GMIP: variants seen among roughly 807,000 people sequenced by gnomAD.
The protein encoded by GMIP is GEM-interacting protein.
GMIP carries 54 observed loss-of-function variants against 105.3 expected under a neutral mutation model. That is an observed-to-expected ratio of 0.51 (90% confidence interval 0.41 to 0.64). GMIP has a LOEUF of 0.64. GMIP is among the 30% of genes least tolerant of loss of function. The pLI, the probability that GMIP is intolerant of heterozygous loss-of-function variation, is 0.00. For synonymous variants in GMIP, 541 were observed against 560.8 expected (o/e 0.96, Z 0.50); for missense variants, 1,110 against 1,319.4 (o/e 0.84, Z 2.46).
Position 19,643,380 on chromosome 19 carries a change from G to A in GMIP, c.19+131C>T, listed in dbSNP as rs527399732. ...CGGGCACAGGGCTCCCCACAATGGA[G>A]GATCCCTGGGTCCTTCCCATTCAGG... On this transcript the variant is annotated intron_variant, in intron 1 of 20. Transcript: ENST00000203556. The A allele has an allele frequency of 1.7e-5, 14 of 807,040 alleles. No homozygotes were observed. In the South Asian group the frequency reaches 2.3e-4, roughly 14 times the overall value. The allele number at this position is 807,040 out of a possible 1,614,324, so 50.0% of individuals were successfully genotyped here.
chr19:19,630,215 C>A lies in GMIP; in HGVS notation c.2661G>T (p.Leu887=). The A allele has an allele frequency of 6.3e-7, 1 of 1,596,370 alleles. No homozygotes were observed. The highest frequency in any genetic ancestry group is 8.6e-7 in the Non-Finnish European group (1 of 1,167,770). ...VRPVTHQLSS[L]ALVASKLCEE... ...CGCACAGCTTGGAAGCCACCAGGGC[C>A]AGACTGGACAGCTGGTGGGTTACAG... is the stretch of plus-strand genomic sequence containing the variant. The change falls in exon 21 of 21, where the codon CTG becomes CTT. Residue 887 remains leucine (L), a synonymous_variant. Transcript: ENST00000203556. This position sits in a 1 kb window ranked among gnomAD's most constrained non-coding sequence, Gnocchi z 4.8.
At position 19,634,419 on chromosome 19, in the gene GMIP, G is replaced by A. The variant is rs1196452693; in HGVS notation, c.2084+88C>T. The A allele has an allele frequency of 8.4e-7, 1 of 1,191,346 alleles. No individual in the cohort carries two copies. Among genetic ancestry groups the A allele is most frequent in the Non-Finnish European group, 1.2e-6 (1 of 820,622 alleles). 73.8% of individuals were successfully genotyped at this position (1,191,346 alleles called of 1,614,324 possible). ...CAGAAAACACAGGTCAAAGGTCAGA[G>A]GTCAGTGTCAGGGGTCAGCCAGGGA... On this transcript the variant is annotated intron_variant, in intron 18 of 20. Coordinates refer to ENST00000203556, the MANE Select transcript of GMIP (RefSeq NM_016573.4). This position sits in a 1 kb window ranked among gnomAD's most constrained non-coding sequence, Gnocchi z 6.1.
Position 19,641,802 on chromosome 19 carries a change from C to T in GMIP, c.238+8G>A, listed in dbSNP as rs766049422. The T allele has an allele frequency of 6.2e-7, 1 of 1,603,584 alleles. No individual in the cohort carries two copies. The highest frequency in any genetic ancestry group is 1.1e-5 in the South Asian group (1 of 90,450). On this transcript the variant is annotated splice_region_variant and intron_variant, in intron 4 of 20. Transcript: ENST00000203556. Reference sequence around the variant, plus strand: ...GTCCCCACTGTCCTGGCCTCCAGACCCCCCTACCTGTGAGGGGTACAGGAC... The same window carrying T: ...GTCCCCACTGTCCTGGCCTCCAGACTCCCCTACCTGTGAGGGGTACAGGAC...
Position 19,642,572 on chromosome 19 carries a change from G to T in GMIP, c.67C>A (p.Arg23=). The change falls in exon 2 of 21, where the codon CGG becomes AGG. Residue 23 remains arginine, a synonymous_variant. Transcript: ENST00000203556. ...GAGATTTCGAGGTTGTCCAGGCTCCGGAAGATGTCACTGTACCTCTTCCTG... is the reference window on the plus strand; with the variant it reads ...GAGATTTCGAGGTTGTCCAGGCTCCTGAAGATGTCACTGTACCTCTTCCTG... The part of the protein sequence containing the change: ...EGRKRYSDIF[R]SLDNLEISLG... 6.2e-7 allele frequency: 1 copy of T among 1,611,192 alleles called. No individual in the cohort carries two copies. Among genetic ancestry groups the T allele is most frequent in the Non-Finnish European group, 8.5e-7 (1 of 1,177,736 alleles).
rs1213104382 is a variant in GMIP, at chr19:19,634,697, C to T, written c.1894G>A (p.Glu632Lys). ...VLKRFLQELT[E>K]PVIPFHLYDA... The stretch of plus-strand genomic sequence containing the variant: ...TAGAGGTGGAAGGGGATCACGGGCT[C>T]GGTGAGCTGGGGGTGGAACGGAGGG... Residue 632 changes from glutamate (E) to lysine (K), a missense_variant, in exon 18 of 21, where the codon GAG becomes AAG. Glu to Lys is a moderately conservative substitution (Grantham distance 56). This residue lies in a region of GMIP where 49 missense variants were observed against 95.6 expected (regional missense o/e 0.51). Coordinates refer to ENST00000203556, the MANE Select transcript of GMIP (RefSeq NM_016573.4). The surrounding 1 kb of genome is among the most constrained non-coding windows in gnomAD (Gnocchi z 6.1). 13 of 1,607,996 alleles carry T rather than the reference C, an allele frequency of 8.1e-6. No homozygotes were observed. The highest frequency in any genetic ancestry group is 1.1e-5 in the Non-Finnish European group (13 of 1,175,722).
rs200448361 is a variant in GMIP, at chr19:19,636,798, T to A, written c.1238-2A>T. On this transcript the variant is annotated splice_acceptor_variant, in intron 12 of 20. Coordinates refer to ENST00000203556, the MANE Select transcript of GMIP (RefSeq NM_016573.4). LOFTEE classifies it high-confidence loss of function. Reference sequence around the variant, plus strand: ...TGCCCGGAGTGGGGCCTGGAGTCCCTAGGTGGCACAGGTCAATAAGGATGG... The same window carrying A: ...TGCCCGGAGTGGGGCCTGGAGTCCCAAGGTGGCACAGGTCAATAAGGATGG... 10 of 1,609,370 alleles carry A rather than the reference T, an allele frequency of 6.2e-6. No homozygotes were observed. Among genetic ancestry groups the A allele is most frequent in the Non-Finnish European group, 8.5e-6 (10 of 1,177,214 alleles).
intron 19 of GMIP, among the ~76,000 whole-genome samples, chr19:19,632,964 C>T (rs1470850307): frequency 2.0e-5 from 3 of 152,112 alleles, no homozygotes; most frequent in South Asian, 2.1e-4. Context: ...TGCTCAAGTC[C>T]GTCTGCTCTC....
chr19:19,639,244 CTT>C (rs556314426), intron 7 of GMIP, among the ~76,000 whole-genome samples: 4 of 140,288 alleles, frequency 2.9e-5, no homozygotes, highest in Non-Finnish European at 3.1e-5. Context: ...AATTAAAAAA[CTT>C]TTTTTTTTTT....
At position 19,630,434 on chromosome 19, in the gene GMIP, C is replaced by T. The variant is rs369316715; in HGVS notation, c.2539+37G>A. 3 of 1,607,264 alleles carry T rather than the reference C, an allele frequency of 1.9e-6. No homozygotes were observed. Among genetic ancestry groups the T allele is most frequent in the Non-Finnish European group, 2.6e-6 (3 of 1,174,888 alleles). On this transcript the variant is annotated intron_variant, in intron 20 of 20. Transcript: ENST00000203556. The surrounding 1 kb of genome is among the most constrained non-coding windows in gnomAD (Gnocchi z 4.8). The stretch of plus-strand genomic sequence containing the variant: ...AGCAAGCCACCCTGGGGCCAGGGCA[C>T]CCCCAGAACTCCTGAGCCTCTCTCT...
chr19:19,641,680 G>C, intron 4 of GMIP, 130 bp downstream of exon 4: 2 of 752,974 alleles, frequency 2.7e-6, no homozygotes. Context: ...CTGGGACTGA[G>C]ATCTGTTGTG....
intron 7 of GMIP, among the ~76,000 whole-genome samples, chr19:19,639,339 C>T (rs1221282196): frequency 6.6e-6 from 1 of 151,864 alleles, no homozygotes; most frequent in Admixed American, 6.6e-5. Context: ...CCTTGGCCCC[C>T]AGAAGTGCTG....
chr19:19,640,400 T>C, intron 5 of GMIP, 40 bp from the exon 6 acceptor site: 1 of 1,613,814 alleles, frequency 6.2e-7, no homozygotes, highest in South Asian at 1.1e-5. Context: ...CTAGCTGGGG[T>C]CTGGGGACTG....
At position 19,634,610 on chromosome 19, in the gene GMIP, G is replaced by GGGTCCCAGGGTC. The variant is rs1568412776; in HGVS notation, c.1969_1980dup (p.Asp657_Thr660dup). ...CGGATAACCTCAGGGCTGGGGCTGG[G>GGGTCCCAGGGTC]GGTCCCAGGGTCGTCCCCAGGGTCT... On this transcript the variant is annotated inframe_insertion, in exon 18 of 21. Coordinates refer to ENST00000203556, the MANE Select transcript of GMIP (RefSeq NM_016573.4). The surrounding 1 kb of genome is among the most constrained non-coding windows in gnomAD (Gnocchi z 6.1). 6.2e-6 allele frequency: 10 copies of GGGTCCCAGGGTC among 1,613,672 alleles called. No homozygotes were observed. The highest frequency in any genetic ancestry group is 8.5e-6 in the Non-Finnish European group (10 of 1,179,844).
At position 19,637,411 on chromosome 19, in the gene GMIP, G is replaced by A; in HGVS notation, c.1078C>T (p.Pro360Ser). Residue 360 changes from proline to serine, a missense_variant, in exon 11 of 21, where the codon CCG (proline) becomes TCG (serine). Pro to Ser is a moderately conservative substitution (Grantham distance 74). Coordinates refer to ENST00000203556, the MANE Select transcript of GMIP (RefSeq NM_016573.4). The surrounding 1 kb of genome is among the most constrained non-coding windows in gnomAD (Gnocchi z 6.7). ...RALRPEAPPP[P>S]PPAFSFQEFL... Reference sequence around the variant, plus strand: ...TCCTGGAAGGAGAAGGCGGGCGGCGGGGGCGGCGGGGCCTCGGGCCGCAGC... The same window carrying A: ...TCCTGGAAGGAGAAGGCGGGCGGCGAGGGCGGCGGGGCCTCGGGCCGCAGC... 6.7e-7 allele frequency: 1 copy of A among 1,490,938 alleles called. No homozygotes were observed. The highest frequency in any genetic ancestry group is 2.6e-5 in the East Asian group (1 of 38,898). The allele number at this position is 1,490,938 out of a possible 1,614,324, so 92.4% of individuals were successfully genotyped here.
chr19:19,637,129 C>G lies in GMIP; in HGVS notation c.1125-100G>C. 1 of 776,760 alleles carries G rather than the reference C, an allele frequency of 1.3e-6. No homozygotes were observed. The highest frequency in any genetic ancestry group is 2.1e-6 in the Non-Finnish European group (1 of 470,502). The allele number at this position is 776,760 out of a possible 1,614,324, so 48.1% of individuals were successfully genotyped here. On this transcript the variant is annotated intron_variant, in intron 11 of 20. Transcript: ENST00000203556. This position sits in a 1 kb window ranked among gnomAD's most constrained non-coding sequence, Gnocchi z 6.7. Reference sequence around the variant, plus strand: ...AGGTACCAACTCCAAGCACTTGGGTCTGCAAACCCTGACACCCAGGGCATT... The same window carrying G: ...AGGTACCAACTCCAAGCACTTGGGTGTGCAAACCCTGACACCCAGGGCATT...
rs773337475 is a variant in GMIP at position 19,640,465 on chromosome 19, A to G, written c.345T>C (p.Thr115=). ...SRYAKELLAW[T]EKRASYELEF... ...CCTCACCATAGCTGGCTCTCTTTTC[A>G]GTCCAGGCAAGCAGTTCCTTGGCAT... The change falls in exon 5 of 21, where the codon ACT becomes ACC. Residue 115 remains threonine, a synonymous_variant. Transcript: ENST00000203556. 1.2e-6 allele frequency: 2 copies of G among 1,614,126 alleles called. No homozygotes were observed. Among genetic ancestry groups the G allele is most frequent in the South Asian group, 1.1e-5 (1 of 91,090 alleles).
intron 7 of GMIP, among the ~76,000 whole-genome samples, chr19:19,639,740 T>G (rs2061898402): frequency 6.6e-6 from 1 of 152,038 alleles, no homozygotes; most frequent in Non-Finnish European, 1.5e-5. Flanking sequence ...TCCCAGCTAC[T>G]CAGGAGGCTG....
At position 19,636,985 on chromosome 19, in the gene GMIP, G is replaced by T. The variant is rs866608667; in HGVS notation, c.1169C>A (p.Pro390Gln). Residue 390 changes from proline (P) to glutamine (Q), a missense_variant, in exon 12 of 21, where the codon CCA becomes CAA. Physicochemically the swap from Pro to Gln is moderately conservative, Grantham distance 76. Transcript: ENST00000203556. ...CTCAGCTGAATTCTCATCCAGCCTT[G>T]GAGGAAGAGGCCCAGAGAGCTTCTT... ...IRKKLSGPLP[P>Q]RLDENSAEPG... 6.3e-7 allele frequency: 1 copy of T among 1,582,926 alleles called. No homozygotes were observed. Among genetic ancestry groups the T allele is most frequent in the Non-Finnish European group, 8.6e-7 (1 of 1,163,566 alleles).
At chr19:19,641,318 G>A (rs1050788020) in intron 4 of GMIP, among the ~76,000 whole-genome samples, 7 of 151,608 alleles carry the variant, frequency 4.6e-5, no homozygotes, top group African/African-American at 1.7e-4. Context: ...TCCTGACCTC[G>A]TGGTCCACCC....
Sources: allele counts gnomAD v4.1 joint callset (sites outside exome capture counted in the v4.1 genomes callset), GRCh38; gene constraint gnomAD v4.1.1; regional missense constraint gnomAD v4.1.1; non-coding constraint Gnocchi (gnomAD v3.1); transcripts MANE v1.5; gene names NCBI Gene and HGNC (gene_info 2026-07-23, HGNC 2026-07-21).